Variants in INVS observed in about 807,000 individuals in gnomAD.
INVS encodes the protein inversin.
Under a neutral mutation model 108.8 loss-of-function variants are expected in INVS, and 86 were observed. That is an observed-to-expected ratio of 0.79 (90% CI 0.66 to 0.95). The LOEUF (loss-of-function observed/expected upper bound fraction) is 0.95, where lower values mean the gene tolerates loss of function less well. INVS is among the 40% of genes least tolerant of loss of function. The pLI, the probability that INVS is intolerant of heterozygous loss-of-function variation, is 0.00. For missense variants in INVS, 1,169 were observed against 1,297.4 expected, an observed-to-expected ratio of 0.90 and a Z score of 1.52; for synonymous variants, 455 against 473.5, an observed-to-expected ratio of 0.96 and a Z score of 0.51.
intron 10 of INVS, among the ~76,000 whole-genome samples, chr9:100,260,095 T>G (rs1415397092): frequency 6.6e-6 from 1 of 151,734 alleles, no homozygotes; most frequent in African/African-American, 2.4e-5. Context: ...TGGTCTCAAA[T>G]TCCTGACCTT....
At chr9:100,146,280 C>T (rs1828610318) in intron 3 of INVS, among the ~76,000 whole-genome samples, 1 of 145,242 alleles carries the variant, frequency 6.9e-6, no homozygotes. Flanking sequence ...AAATTACAGT[C>T]AAAGGGGGGT....
intron 11 of INVS, among the ~76,000 whole-genome samples, chr9:100,266,291 A>G (rs1024371789): frequency 6.6e-6 from 1 of 152,200 alleles, no homozygotes; most frequent in African/African-American, 2.4e-5. Flanking sequence ...CGACTTTTGC[A>G]GTGCAAAGTG....
At chr9:100,158,617 A>G (rs1829073856) in intron 3 of INVS, among the ~76,000 whole-genome samples, 1 of 152,258 alleles carries the variant, frequency 6.6e-6, no homozygotes, top group Non-Finnish European at 1.5e-5. Flanking sequence ...CCCAGTGAAT[A>G]TTAACTATTA....
In INVS at chr9:100,122,576, C is replaced by CTTTTTTTTTTT. The variant is rs1161036698; in HGVS notation, c.107-3792_107-3782dup. On this transcript the variant is annotated intron_variant, in intron 2 of 16. Transcript: ENST00000262457. Reference sequence around the variant, plus strand: ...ATGTTATTGTATTTTAAGTGAGTTTCTTTTTTTTTTTTTTTTTTTTTTTTT... The same window carrying CTTTTTTTTTTT: ...ATGTTATTGTATTTTAAGTGAGTTTCTTTTTTTTTTTTTTTTTTTTTTTTTTTTTTTTTTTT... Among the ~76,000 whole-genome samples the CTTTTTTTTTTT allele has an allele frequency of 8.7e-5, 5 of 57,520 alleles. 1 individual carries two copies. The highest frequency in any genetic ancestry group is 2.0e-4 in the African/African-American group (3 of 14,974). 37.7% of individuals were successfully genotyped at this position (57,520 alleles called of 152,430 possible). A position where few individuals can be genotyped will look rare whatever the true frequency, so the allele number is the denominator to read the frequency against.
In INVS at chr9:100,272,867, C is replaced by T; in HGVS notation, c.1575C>T (p.Tyr525=). The change falls in exon 12 of 17, where the codon TAC becomes TAT. Residue 525 remains tyrosine, a synonymous_variant. Coordinates refer to ENST00000262457, the MANE Select transcript of INVS (RefSeq NM_014425.5). ...AGAAATCTTCCTCCCACTTCAGATA[C>T]ACACCCCTTGATTATGCTTTGCTTG... The part of the protein sequence containing the change: ...PNQMENNEER[Y]TPLDYALLGE... 1.9e-6 allele frequency: 3 copies of T among 1,613,278 alleles called. No individual in the cohort carries two copies. Among genetic ancestry groups the T allele is most frequent in the Non-Finnish European group, 2.5e-6 (3 of 1,179,362 alleles).
At chr9:100,253,241 C>T (rs552363354) in intron 10 of INVS, 105 bp downstream of exon 10, 1 of 815,508 alleles carries the variant, frequency 1.2e-6, no homozygotes, top group East Asian at 2.6e-5. Context: ...GAAGAGATCA[C>T]CCACAAATCC....
At chr9:100,221,426 C>G (rs1283327516) in intron 3 of INVS, among the ~76,000 whole-genome samples, 1 of 152,020 alleles carries the variant, frequency 6.6e-6, no homozygotes, top group Non-Finnish European at 1.5e-5. Flanking sequence ...CTCCGGCCTC[C>G]CAGAGTGCTA....
At chr9:100,167,525 G>A (rs1369028110) in intron 3 of INVS, among the ~76,000 whole-genome samples, 1 of 152,076 alleles carries the variant, frequency 6.6e-6, no homozygotes, top group African/African-American at 2.4e-5. Flanking sequence ...CTGTCTCAGT[G>A]AACCCTTTTC....
intron 2 of INVS, among the ~76,000 whole-genome samples, chr9:100,108,163 T>C (rs565117444): frequency 2.0e-5 from 3 of 152,360 alleles, no homozygotes; most frequent in South Asian, 2.1e-4. Context: ...AAAACACTTA[T>C]ATTTTTATGG....
At chr9:100,230,089 C>A (rs1308925556) in intron 5 of INVS, among the ~76,000 whole-genome samples, 1 of 152,060 alleles carries the variant, frequency 6.6e-6, no homozygotes, top group Non-Finnish European at 1.5e-5. Flanking sequence ...CAACTACTTC[C>A]CTGAATCCTG....
Position 100,226,318 on chromosome 9 carries a change from C to T in INVS, c.447+83C>T, listed in dbSNP as rs1007873901. ...TGATGTGAAATTTCAAGGAAGAAGG[C>T]CTGAATTACCACATATATACATGGT... On this transcript the variant is annotated intron_variant, in intron 4 of 16. Coordinates refer to ENST00000262457, the MANE Select transcript of INVS (RefSeq NM_014425.5). The T allele has an allele frequency of 9.0e-6, 10 of 1,113,536 alleles. No individual in the cohort carries two copies. In the East Asian group the frequency reaches 2.2e-4, roughly 24 times the overall value. 69.0% of individuals were successfully genotyped at this position (1,113,536 alleles called of 1,614,324 possible).
Position 100,104,495 on chromosome 9 carries a change from C to T in INVS, c.-24-3C>T, listed in dbSNP as rs763475813. The stretch of plus-strand genomic sequence containing the variant: ...GCGCTCATTGTCTGAATCATTGTTT[C>T]AGGTTGCTCCGGTTGCTAAGAAGAC... On this transcript the variant is annotated splice_region_variant and splice_polypyrimidine_tract_variant and intron_variant, in intron 1 of 16. Transcript: ENST00000262457. 3.6e-5 allele frequency: 54 copies of T among 1,506,350 alleles called. No individual in the cohort carries two copies. The highest frequency in any genetic ancestry group is 4.7e-5 in the Non-Finnish European group (51 of 1,082,462). 93.3% of individuals were successfully genotyped at this position (1,506,350 alleles called of 1,614,324 possible). A position where few individuals can be genotyped will look rare whatever the true frequency, so the allele number is the denominator to read the frequency against.
At chr9:100,106,418 T>C (rs932633559) in intron 2 of INVS, among the ~76,000 whole-genome samples, 13 of 152,188 alleles carry the variant, frequency 8.5e-5, no homozygotes, top group African/African-American at 2.9e-4. Context: ...TTCCATTATT[T>C]AAAAATCCCA....
intron 7 of INVS, among the ~76,000 whole-genome samples, chr9:100,243,554 C>T (rs2118510734): frequency 1.3e-5 from 2 of 152,148 alleles, no homozygotes; most frequent in South Asian, 4.2e-4. Context: ...CCATTATGTC[C>T]CCAGTCCACC....
chr9:100,205,038 G>C (rs1325772309), intron 3 of INVS, among the ~76,000 whole-genome samples: 1 of 152,058 alleles, frequency 6.6e-6, no homozygotes, highest in African/African-American at 2.4e-5. Context: ...GTGACAATAG[G>C]AAAGGGATGT....
intron 13 of INVS, among the ~76,000 whole-genome samples, chr9:100,291,379 T>C (rs1033437197): frequency 7.6e-4 from 116 of 152,198 alleles, no homozygotes; most frequent in African/African-American, 2.8e-3. Context: ...GTTTAGATGT[T>C]GTATTTGTTT....
chr9:100,291,343 A>G (rs1424697060), intron 13 of INVS, among the ~76,000 whole-genome samples: 5 of 152,174 alleles, frequency 3.3e-5, no homozygotes, highest in Non-Finnish European at 7.3e-5. Context: ...TACAGGCATG[A>G]GCCACCGTGC....
At chr9:100,120,237 C>A (rs1235552716) in intron 2 of INVS, among the ~76,000 whole-genome samples, 3 of 152,148 alleles carry the variant, frequency 2.0e-5, no homozygotes, top group Non-Finnish European at 4.4e-5. Context: ...TCGAGTTATT[C>A]AAATACATTC....
chr9:100,225,864 G>A (rs1415875322), intron 3 of INVS, among the ~76,000 whole-genome samples, 198 bp from the exon 4 acceptor site: 1 of 151,902 alleles, frequency 6.6e-6, no homozygotes, highest in Non-Finnish European at 1.5e-5. Flanking sequence ...TTATATTCAT[G>A]TAGAAAGTTC....
Sources: allele counts gnomAD v4.1 joint callset (sites outside exome capture counted in the v4.1 genomes callset), GRCh38; gene constraint gnomAD v4.1.1; transcripts MANE v1.5; gene names NCBI Gene and HGNC (gene_info 2026-07-23, HGNC 2026-07-21).